Variants in PTCHD4 observed in about 807,000 individuals in gnomAD.
PTCHD4 encodes the protein patched domain-containing protein 4.
In PTCHD4, 33 loss-of-function variants were observed where a neutral mutation model predicts 58.1. That is an observed-to-expected ratio of 0.57 (90% CI 0.43 to 0.76). The LOEUF is 0.76. PTCHD4 is among the 30% of genes least tolerant of loss of function. PTCHD4 has a pLI of 0.00. For missense variants in PTCHD4, 1,058 were observed against 1,027.1 expected (o/e 1.03, Z -0.41); for synonymous variants, 478 against 409.6 (o/e 1.17, Z -2.02).
intron 4 of PTCHD4, among the ~76,000 whole-genome samples, chr6:47,927,423 C>G (rs999963005): frequency 1.3e-5 from 2 of 152,128 alleles, no homozygotes; most frequent in African/African-American, 4.8e-5. Context: ...GCAGCTTGCT[C>G]TCAGGGATGC....
chr6:48,071,870 G>A (rs535470458), intron 1 of PTCHD4, among the ~76,000 whole-genome samples: 70 of 152,030 alleles, frequency 4.6e-4, no homozygotes, highest in Non-Finnish European at 9.6e-4. Context: ...TCAGATATTT[G>A]GTGGAATATT....
intron 4 of PTCHD4, chr6:47,901,990 C>A: frequency 1.8e-6 from 2 of 1,140,304 alleles, no homozygotes; most frequent in Non-Finnish European, 2.4e-6. Flanking sequence ...TTTCTAGCCT[C>A]ACTCATATTT....
At chr6:47,979,758 A>C (rs10948392) in intron 4 of PTCHD4, among the ~76,000 whole-genome samples, 1 of 151,904 alleles carries the variant, frequency 6.6e-6, no homozygotes, top group Non-Finnish European at 1.5e-5. Context: ...GATAAAATTG[A>C]ATTAAAAATT....
intron 4 of PTCHD4, among the ~76,000 whole-genome samples, chr6:47,938,560 G>A (rs996811690): frequency 6.6e-6 from 1 of 152,186 alleles, no homozygotes; most frequent in African/African-American, 2.4e-5. Flanking sequence ...CGATGGGAGA[G>A]AACTGCAACA....
At chr6:47,949,773 A>G (rs1196443047) in intron 4 of PTCHD4, among the ~76,000 whole-genome samples, 2 of 152,072 alleles carry the variant, frequency 1.3e-5, no homozygotes, top group African/African-American at 2.4e-5. Context: ...TGTTTTCCCC[A>G]ACATTCCCTT....
intron 4 of PTCHD4, among the ~76,000 whole-genome samples, chr6:47,940,068 A>G (rs1298051250): frequency 2.0e-5 from 3 of 152,162 alleles, no homozygotes; most frequent in African/African-American, 7.2e-5. Flanking sequence ...TATTGTGCAG[A>G]TGTAAACTAT....
At chr6:47,907,222 C>T (rs1006676842) in intron 4 of PTCHD4, among the ~76,000 whole-genome samples, 3 of 152,104 alleles carry the variant, frequency 2.0e-5, no homozygotes, top group Admixed American at 1.3e-4. Context: ...CTCATGAGAC[C>T]AGTAAAATTT....
chr6:48,090,968 G>GA (rs1765353980), intron 1 of PTCHD4, among the ~76,000 whole-genome samples: 1 of 152,176 alleles, frequency 6.6e-6, no homozygotes, highest in Admixed American at 6.5e-5. Context: ...GTGTGAACCT[G>GA]AAATCGCTTT....
intron 4 of PTCHD4, among the ~76,000 whole-genome samples, chr6:47,972,385 T>TA (rs1767546925): frequency 1.3e-5 from 2 of 152,092 alleles, no homozygotes; most frequent in South Asian, 4.1e-4. Context: ...AACGGAGCTA[T>TA]AAAAAAGTAT....
At chr6:48,101,138 T>C (rs10948397) in intron 1 of PTCHD4, among the ~76,000 whole-genome samples, 28,513 of 151,984 alleles carry the variant, frequency 0.19, 2,864 homozygotes, top group Non-Finnish European at 0.22. Flanking sequence ...ATGGTATTTT[T>C]AAGAGACACA....
chr6:47,932,442 C>T (rs893236037), intron 4 of PTCHD4, among the ~76,000 whole-genome samples: 6 of 152,088 alleles, frequency 3.9e-5, no homozygotes, highest in Non-Finnish European at 8.8e-5. Context: ...GGGATAAACA[C>T]AACAGATTAT....
Position 48,008,905 on chromosome 6 carries a change from G to A in PTCHD4, c.627C>T (p.Leu209=), listed in dbSNP as rs372044894. 66 of 1,613,888 alleles carry A rather than the reference G, an allele frequency of 4.1e-5. No homozygotes were observed. The highest frequency in any genetic ancestry group is 5.4e-5 in the Non-Finnish European group (64 of 1,179,890). ...TAAAGGATGCTAAAGAGTAGAGCTGGAGTTCTTGATGCTCCTCCTGGAGCT... is the reference window on the plus strand; with the variant it reads ...TAAAGGATGCTAAAGAGTAGAGCTGAAGTTCTTGATGCTCCTCCTGGAGCT... The part of the protein sequence containing the change: ...IRKLQEEHQE[L]QLYSLASFSL... Residue 209 remains leucine (L), a synonymous_variant, in exon 4 of 5, where the codon CTC becomes CTT. Coordinates refer to ENST00000339488, the MANE Select transcript of PTCHD4 (RefSeq NM_001384253.1).
At chr6:48,062,964 A>C (rs576477270) in intron 3 of PTCHD4, among the ~76,000 whole-genome samples, 31 of 152,192 alleles carry the variant, frequency 2.0e-4, no homozygotes, top group Non-Finnish European at 3.4e-4. Flanking sequence ...CTAATGTCAC[A>C]CAATTGATCC....
Position 47,879,827 on chromosome 6 carries a change from G to C in PTCHD4, c.1008C>G (p.Thr336=). The C allele has an allele frequency of 6.2e-7, 1 of 1,612,954 alleles. No individual in the cohort carries two copies. The highest frequency in any genetic ancestry group is 8.5e-7 in the Non-Finnish European group (1 of 1,179,380). Residue 336 remains threonine, a synonymous_variant, in exon 5 of 5, where the codon ACC becomes ACG. Coordinates refer to ENST00000339488, the MANE Select transcript of PTCHD4 (RefSeq NM_001384253.1). ...AGTACAGGGAGCTGGTCATGGTATA[G>C]GTGACCATCACATCAGAATAGGCAT... ...IADAYSDVMV[T]YTMTSSLYFI...
intron 4 of PTCHD4, among the ~76,000 whole-genome samples, chr6:47,920,374 G>T (rs994009801): frequency 2.0e-5 from 3 of 152,134 alleles, no homozygotes; most frequent in Non-Finnish European, 4.4e-5. Context: ...GCTGTAGGGT[G>T]GGGGTCCAGA....
At chr6:47,888,514 T>C (rs1030398881) in intron 4 of PTCHD4, among the ~76,000 whole-genome samples, 1 of 152,188 alleles carries the variant, frequency 6.6e-6, no homozygotes, top group African/African-American at 2.4e-5. Flanking sequence ...CAGATTCTCA[T>C]TGTATAATTT....
At chr6:48,057,282 T>C (rs541725274) in intron 3 of PTCHD4, among the ~76,000 whole-genome samples, 38 of 152,254 alleles carry the variant, frequency 2.5e-4, no homozygotes, top group African/African-American at 8.2e-4. Flanking sequence ...AATGTCTTTC[T>C]GTAGCCAGAG....
intron 4 of PTCHD4, among the ~76,000 whole-genome samples, chr6:47,937,447 G>C (rs1260277963): frequency 6.6e-6 from 1 of 152,108 alleles, no homozygotes; most frequent in Non-Finnish European, 1.5e-5. Context: ...CCATATTTTT[G>C]GTTATATAAC....
intron 4 of PTCHD4, among the ~76,000 whole-genome samples, chr6:47,904,935 A>G (rs1764828211): frequency 6.6e-6 from 1 of 152,132 alleles, no homozygotes; most frequent in African/African-American, 2.4e-5. Context: ...TTGAGTTAAG[A>G]CATGAAGTGG....
Sources: allele counts gnomAD v4.1 joint callset (sites outside exome capture counted in the v4.1 genomes callset), GRCh38; gene constraint gnomAD v4.1.1; transcripts MANE v1.5; gene names NCBI Gene and HGNC (gene_info 2026-07-23, HGNC 2026-07-21).